The following MAST2 variants were observed in gnomAD, a reference collection of about 807,000 sequenced individuals.
MAST2 encodes microtubule-associated serine/threonine-protein kinase 2.
MAST2 carries 70 observed loss-of-function variants against 147.4 expected under a neutral mutation model. The ratio of observed to expected loss-of-function variants is 0.47; its 90% CI spans 0.39 to 0.58. MAST2 has a LOEUF of 0.58. Among genes scored for constraint, MAST2 ranks in the 20% least tolerant of loss-of-function variants. The pLI is 0.00. For missense variants in MAST2, 2,080 were observed against 2,302.3 expected, an observed-to-expected ratio of 0.90 and a Z score of 1.98; for synonymous variants, 869 against 896.8, an observed-to-expected ratio of 0.97 and a Z score of 0.55.
In MAST2 at chr1:46,035,972, C is replaced by CT. The variant is rs1359387830; in HGVS notation, c.5304dup (p.Glu1769Ter). 1.2e-6 allele frequency: 2 copies of CT among 1,613,970 alleles called. No homozygotes were observed. The highest frequency in any genetic ancestry group is 4.5e-5 in the East Asian group (2 of 44,880). On this transcript the variant is annotated frameshift_variant, in exon 29 of 29. Transcript: ENST00000361297. LOFTEE classifies it high-confidence loss of function. This position sits in a 1 kb window ranked among gnomAD's most constrained non-coding sequence, Gnocchi z 5.5. ...CGAGGCTGCCCCCTCACCCAGAAGTCTGAGCCCAGCCTCAGGAGGGGCCAA... is the reference window on the plus strand; with the variant it reads ...CGAGGCTGCCCCCTCACCCAGAAGTCTTGAGCCCAGCCTCAGGAGGGGCCAA...
At chr1:45,938,491 T>C (rs1225292840) in intron 4 of MAST2, among the ~76,000 whole-genome samples, 2 of 152,090 alleles carry the variant, frequency 1.3e-5, no homozygotes, top group South Asian at 2.1e-4. Flanking sequence ...ACCCAGCTAA[T>C]TATTATTTTT....
In MAST2 at chr1:45,999,548, G is replaced by A. The variant is rs377096961; in HGVS notation, c.668+1749G>A. ...CCACCAACTAGAGTCAGGCGCACTCGGCTGGGTGCTTAGTTATGTAGTGGT... is the reference window on the plus strand; with the variant it reads ...CCACCAACTAGAGTCAGGCGCACTCAGCTGGGTGCTTAGTTATGTAGTGGT... On this transcript the variant is annotated intron_variant, in intron 6 of 28. Transcript: ENST00000361297. Among the ~76,000 whole-genome samples the A allele has an allele frequency of 3.9e-5, 6 of 152,202 alleles. No individual in the cohort carries two copies. The South Asian group carries it at 1.2e-3, about 32-fold the overall frequency.
intron 1 of MAST2, among the ~76,000 whole-genome samples, chr1:45,821,413 T>G (rs183737875): frequency 2.6e-5 from 4 of 152,262 alleles, no homozygotes; most frequent in Admixed American, 2.6e-4. Flanking sequence ...TGTCTCCATA[T>G]GAACCTTTTT....
chr1:45,901,364 C>CT (rs535011985), intron 4 of MAST2, among the ~76,000 whole-genome samples: 3 of 152,032 alleles, frequency 2.0e-5, no homozygotes, highest in Non-Finnish European at 4.4e-5. Flanking sequence ...AGCTGTGTGT[C>CT]TGTTTTTGTA....
chr1:45,999,364 C>T (rs1378433674), intron 6 of MAST2, among the ~76,000 whole-genome samples: 1 of 152,170 alleles, frequency 6.6e-6, no homozygotes, highest in Non-Finnish European at 1.5e-5. Flanking sequence ...ATTTGTTTGT[C>T]CAACCCAGCT....
chr1:45,933,204 C>T (rs1655610266), intron 4 of MAST2, among the ~76,000 whole-genome samples: 1 of 116,052 alleles, frequency 8.6e-6, no homozygotes, highest in South Asian at 2.7e-4. Context: ...GCCTGGGCAA[C>T]AGAGCAAGAC....
At chr1:45,901,256 G>A (rs1432712161) in intron 4 of MAST2, among the ~76,000 whole-genome samples, 3 of 152,164 alleles carry the variant, frequency 2.0e-5, no homozygotes, top group African/African-American at 4.8e-5. Context: ...ATTGAATGGA[G>A]TGTCCTTTCC....
intron 4 of MAST2, among the ~76,000 whole-genome samples, chr1:45,954,826 G>A (rs929203409): frequency 1.3e-5 from 2 of 152,222 alleles, no homozygotes; most frequent in South Asian, 2.1e-4. Flanking sequence ...CTGGAAATAC[G>A]ATCTTTAGTG....
chr1:45,882,051 G>C (rs1231334249), intron 3 of MAST2, among the ~76,000 whole-genome samples: 1 of 135,942 alleles, frequency 7.4e-6, no homozygotes, highest in Non-Finnish European at 1.6e-5. Context: ...AATTAGCCAG[G>C]CGTGGTGGCG....
At chr1:45,961,990 A>G (rs1287456337) in intron 5 of MAST2, among the ~76,000 whole-genome samples, 1 of 148,012 alleles carries the variant, frequency 6.8e-6, no homozygotes, top group African/African-American at 2.5e-5. Flanking sequence ...CTCATTGTTC[A>G]GTTCCCACCT....
At chr1:45,961,631 GA>G (rs1409541041) in intron 5 of MAST2, among the ~76,000 whole-genome samples, 1 of 152,164 alleles carries the variant, frequency 6.6e-6, no homozygotes, top group African/African-American at 2.4e-5. Context: ...AATCACTGCA[GA>G]AAATCTAGGG....
intron 4 of MAST2, among the ~76,000 whole-genome samples, chr1:45,921,632 C>T (rs969704200): frequency 3.9e-5 from 6 of 152,270 alleles, no homozygotes; most frequent in Non-Finnish European, 5.9e-5. Flanking sequence ...CGGGACCAGG[C>T]GCCACGCAAG....
chr1:45,934,243 C>T (rs1055485924), intron 4 of MAST2, among the ~76,000 whole-genome samples: 2 of 152,292 alleles, frequency 1.3e-5, no homozygotes, highest in African/African-American at 2.4e-5. Context: ...CTGTAAAGAA[C>T]ATAATTTCCG....
intron 4 of MAST2, among the ~76,000 whole-genome samples, chr1:45,888,668 T>TTTTTTTTTTTTTTTC (rs1647209909): frequency 8.8e-5 from 1 of 11,312 alleles, no homozygotes; most frequent in Non-Finnish European, 1.8e-4. Context: ...GGCCTCTTTT[T>TTTTTTTTTTTTTTTC]TTTTTTTTTT....
intron 3 of MAST2, among the ~76,000 whole-genome samples, chr1:45,832,210 A>G (rs190829976): frequency 5.3e-5 from 8 of 152,202 alleles, no homozygotes; most frequent in Non-Finnish European, 8.8e-5. Context: ...ACAAACAAAC[A>G]AGCAAAAATG....
At chr1:46,019,458 C>T in intron 10 of MAST2, 138 bp from the exon 11 acceptor site, 3 of 641,298 alleles carry the variant, frequency 4.7e-6, no homozygotes, top group South Asian at 2.0e-5. Flanking sequence ...GCCAGCCAGC[C>T]TTCTCTGAGT....
chr1:45,955,165 A>G (rs1275561174), intron 4 of MAST2, among the ~76,000 whole-genome samples: 2 of 152,208 alleles, frequency 1.3e-5, no homozygotes, highest in Non-Finnish European at 2.9e-5. Context: ...AAGAGAGACA[A>G]CAAAATGAAT....
chr1:45,941,733 G>C (rs1570842288), intron 4 of MAST2, among the ~76,000 whole-genome samples: 1 of 152,054 alleles, frequency 6.6e-6, no homozygotes, highest in Middle Eastern at 3.4e-3. Context: ...CTAGTACAAT[G>C]TTGAATAGAA....
intron 5 of MAST2, among the ~76,000 whole-genome samples, chr1:45,976,314 G>T (rs561290715): frequency 6.6e-6 from 1 of 152,186 alleles, no homozygotes; most frequent in South Asian, 2.1e-4. Context: ...GAGGCAAAGT[G>T]GTCCGGGCAC....
Sources: allele counts gnomAD v4.1 joint callset (sites outside exome capture counted in the v4.1 genomes callset), GRCh38; gene constraint gnomAD v4.1.1; non-coding constraint Gnocchi (gnomAD v3.1); transcripts MANE v1.5; gene names NCBI Gene and HGNC (gene_info 2026-07-23, HGNC 2026-07-21).